Variants in THTPA observed in about 807,000 individuals in gnomAD.
THTPA encodes thiamine triphosphatase.
In THTPA, 16 loss-of-function variants were observed where a neutral mutation model predicts 16.5. The ratio of observed to expected loss-of-function variants is 0.97; its 90% confidence interval spans 0.66 to 1.47. THTPA has a LOEUF of 1.47. THTPA is among the 40% of genes most tolerant of loss of function. The pLI, the probability that THTPA is intolerant of heterozygous loss-of-function variation, is 0.00. For missense variants in THTPA, 281 were observed against 280.9 expected (o/e 1.00, Z 0.00); for synonymous variants, 110 against 115.5 (o/e 0.95, Z 0.30).
the THTPA span, among the ~76,000 whole-genome samples, chr14:23,545,339 G>GTCCGCCC: frequency 2.6e-5 from 4 of 152,102 alleles, no homozygotes; most frequent in Admixed American, 2.6e-4. Flanking sequence ...ACAACCACTC[G>GTCCGCCC]TCCGCCCTCC....
chr14:23,520,222 A>G, the THTPA span, among the ~76,000 whole-genome samples: 1 of 152,226 alleles, frequency 6.6e-6, no homozygotes, highest in East Asian at 1.9e-4. The surrounding 1 kb of genome is among the most constrained non-coding windows in gnomAD (Gnocchi z 8.7). Context: ...CTAGAACCCC[A>G]TGAGTCTCAT....
chr14:23,523,422 G>A, the THTPA span: 5 of 1,532,514 alleles, frequency 3.3e-6, no homozygotes, highest in South Asian at 1.2e-5. This position sits in a 1 kb window ranked among gnomAD's most constrained non-coding sequence, Gnocchi z 4.1. Context: ...GCCTCCTTGA[G>A]CTTGGCCAGG....
At chr14:23,533,763 G>C in the THTPA span, 1 of 1,557,914 alleles carries the variant, frequency 6.4e-7, no homozygotes, top group African/African-American at 1.4e-5. The surrounding 1 kb of genome is among the most constrained non-coding windows in gnomAD (Gnocchi z 4.8). Flanking sequence ...TGCTGAGGTT[G>C]CCTTTGGTGG....
chr14:23,533,919 A>C, the THTPA span: 4 of 1,538,008 alleles, frequency 2.6e-6, no homozygotes, highest in Non-Finnish European at 3.5e-6. This position sits in a 1 kb window ranked among gnomAD's most constrained non-coding sequence, Gnocchi z 4.8. Flanking sequence ...GCATGTGCAC[A>C]TCCAGGGTCT....
At chr14:23,522,375 G>A in the THTPA span, 12 of 1,536,236 alleles carry the variant, frequency 7.8e-6, no homozygotes, top group African/African-American at 9.6e-5. Flanking sequence ...CTGCCTGTCA[G>A]CAGCTCATCA....
chr14:23,533,273 A>G, the THTPA span: 1 of 1,436,368 alleles, frequency 7.0e-7, no homozygotes, highest in South Asian at 1.5e-5. This position sits in a 1 kb window ranked among gnomAD's most constrained non-coding sequence, Gnocchi z 4.8. Context: ...GGGAAGAAGC[A>G]CAGAAGCTTA....
At chr14:23,523,550 C>G in the THTPA span, 2 of 1,537,128 alleles carry the variant, frequency 1.3e-6, no homozygotes, top group Admixed American at 3.9e-5. This position sits in a 1 kb window ranked among gnomAD's most constrained non-coding sequence, Gnocchi z 4.1. Flanking sequence ...CCCAGTGCTC[C>G]CAGCGGCTGT....
chr14:23,523,488 C>T, the THTPA span: 3 of 1,536,282 alleles, frequency 2.0e-6, no homozygotes, highest in South Asian at 3.6e-5. This position sits in a 1 kb window ranked among gnomAD's most constrained non-coding sequence, Gnocchi z 4.1. Flanking sequence ...TACTTGACAT[C>T]ACAATAGGGG....
chr14:23,520,244 G>A, the THTPA span, among the ~76,000 whole-genome samples: 7 of 152,008 alleles, frequency 4.6e-5, no homozygotes, highest in East Asian at 1.9e-4. The surrounding 1 kb of genome is among the most constrained non-coding windows in gnomAD (Gnocchi z 8.7). Flanking sequence ...GACGGGTCCC[G>A]ACTCCCTTGG....
At position 23,559,072 on chromosome 14, in the gene THTPA, C is replaced by G; in HGVS notation, c.*232C>G. On this transcript the variant is annotated 3_prime_UTR_variant, in exon 2 of 2. Transcript: ENST00000288014. ...CCGCCCCTCTCCCCTGGCCGCTAAG[C>G]AGCCTCCATTGATTTCCGCTCGTGT... The G allele has an allele frequency of 3.7e-6, 2 of 545,420 alleles. No individual in the cohort carries two copies. Among genetic ancestry groups the G allele is most frequent in the East Asian group, 6.3e-5 (2 of 31,532 alleles). 33.8% of individuals were successfully genotyped at this position (545,420 alleles called of 1,614,324 possible). A position where few individuals can be genotyped will look rare whatever the true frequency, so the allele number is the denominator to read the frequency against.
chr14:23,528,038 G>A, the THTPA span, among the ~76,000 whole-genome samples: 1 of 151,684 alleles, frequency 6.6e-6, no homozygotes, highest in Non-Finnish European at 1.5e-5. Flanking sequence ...CTCCCAAGCA[G>A]CTGGGATTAC....
chr14:23,556,979 AC>A lies in THTPA; in HGVS notation c.226del (p.His76ThrfsTer43), dbSNP rs1882452565. ...KCPGAAGVLG[P>X]HTEYKELTAE... is the part of the protein sequence containing the mutation. ...GTCCTGGAGCAGCAGGTGTCTTAGGACCCCACACGGAGTATAAGGAACTCAC... is the reference window on the plus strand; with the variant it reads ...GTCCTGGAGCAGCAGGTGTCTTAGGACCCACACGGAGTATAAGGAACTCAC... On this transcript the variant is annotated frameshift_variant, in exon 1 of 2. Transcript: ENST00000288014. LOFTEE classifies it high-confidence loss of function. 6.8e-6 allele frequency: 11 copies of A among 1,613,960 alleles called. No homozygotes were observed. Among genetic ancestry groups the A allele is most frequent in the Non-Finnish European group, 9.3e-6 (11 of 1,179,984 alleles).
rs1266210512 is a variant in THTPA at position 23,559,822 on chromosome 14, G to A, written c.*982G>A. ...CACCGACTGGTGAAAGTGGTCGTAG[G>A]TGAGGCGCAGCTTTAGCCGCAGGGG... On this transcript the variant is annotated 3_prime_UTR_variant, in exon 2 of 2. Coordinates refer to ENST00000288014, the MANE Select transcript of THTPA (RefSeq NM_024328.6). The A allele has an allele frequency of 5.0e-6, 8 of 1,614,030 alleles. No individual in the cohort carries two copies. Among genetic ancestry groups the A allele is most frequent in the Non-Finnish European group, 6.8e-6 (8 of 1,180,034 alleles).
At chr14:23,514,661 G>T in the THTPA span, 1 of 152,164 alleles carries the variant, frequency 6.6e-6, no homozygotes, top group African/African-American at 2.4e-5. Context: ...ATGCTGCCAC[G>T]TTTGGCAGTG....
chr14:23,525,051 G>C, the THTPA span: 3 of 1,536,196 alleles, frequency 2.0e-6, no homozygotes, highest in Non-Finnish European at 2.6e-6. The surrounding 1 kb of genome is among the most constrained non-coding windows in gnomAD (Gnocchi z 5.9). Flanking sequence ...AGACCCAACA[G>C]ACTTGCGAGT....
the THTPA span, among the ~76,000 whole-genome samples, chr14:23,518,898 C>T: frequency 6.6e-6 from 1 of 152,218 alleles, no homozygotes. The surrounding 1 kb of genome is among the most constrained non-coding windows in gnomAD (Gnocchi z 4.5). Context: ...TGGAGCAGGA[C>T]TGCTGCTGCT....
chr14:23,528,507 C>T, the THTPA span: 1 of 761,468 alleles, frequency 1.3e-6, no homozygotes. Flanking sequence ...CTTACCTATC[C>T]TATCCTGTCG....
the THTPA span, chr14:23,525,005 G>T: frequency 6.5e-7 from 1 of 1,536,236 alleles, no homozygotes; most frequent in Non-Finnish European, 8.7e-7. This position sits in a 1 kb window ranked among gnomAD's most constrained non-coding sequence, Gnocchi z 5.9. Flanking sequence ...TTTCTGGCGG[G>T]CATTCTGGAA....
chr14:23,517,494 C>T, the THTPA span, among the ~76,000 whole-genome samples: 12 of 152,264 alleles, frequency 7.9e-5, no homozygotes, highest in South Asian at 4.1e-4. Flanking sequence ...CTAGAAATGA[C>T]GCTTTCATGG....
Sources: allele counts gnomAD v4.1 joint callset (sites outside exome capture counted in the v4.1 genomes callset), GRCh38; gene constraint gnomAD v4.1.1; non-coding constraint Gnocchi (gnomAD v3.1); transcripts MANE v1.5; gene names NCBI Gene and HGNC (gene_info 2026-07-23, HGNC 2026-07-21).